RFC3: variants seen among roughly 807,000 people sequenced by gnomAD.
RFC3 encodes the protein A1 38 kDa subunit.
A neutral mutation model predicts 45.1 loss-of-function variants in RFC3; 41 were observed. The ratio of observed to expected loss-of-function variants is 0.91; its 90% CI spans 0.71 to 1.18. The LOEUF (loss-of-function observed/expected upper bound fraction) is 1.18, where lower values mean the gene tolerates loss of function less well. Among genes scored for constraint, RFC3 ranks in the 50% most tolerant of loss-of-function variants. The pLI is 0.00. For synonymous variants in RFC3, 149 were observed against 144.0 expected (o/e 1.03, Z -0.25); for missense variants, 423 against 428.1 (o/e 0.99, Z 0.10).
At chr13:33,895,436 G>T (rs2082591669) in intron 8 of RFC3, among the ~76,000 whole-genome samples, 1 of 152,048 alleles carries the variant, frequency 6.6e-6, no homozygotes, top group African/African-American at 2.4e-5. Context: ...AACCAAAGTG[G>T]GATACCACCT....
intron 7 of RFC3, among the ~76,000 whole-genome samples, chr13:33,833,378 A>C (rs929027866): frequency 1.3e-5 from 2 of 152,164 alleles, no homozygotes; most frequent in Non-Finnish European, 2.9e-5. Flanking sequence ...TTAAAAAAAA[A>C]ACCCTGACAT....
intron 8 of RFC3, among the ~76,000 whole-genome samples, chr13:33,835,721 GATGA>G (rs2082147522): frequency 6.6e-6 from 1 of 152,140 alleles, no homozygotes; most frequent in African/African-American, 2.4e-5. Context: ...TCTGTTAATG[GATGA>G]ATGGTTTTCT....
chr13:33,888,264 C>T (rs537127117), intron 8 of RFC3, among the ~76,000 whole-genome samples: 237 of 152,272 alleles, frequency 1.6e-3, no homozygotes, highest in African/African-American at 5.4e-3. Context: ...TTACATACAA[C>T]GTGAATGGTG....
At chr13:33,857,107 A>G (rs2082312901) in intron 8 of RFC3, among the ~76,000 whole-genome samples, 1 of 152,240 alleles carries the variant, frequency 6.6e-6, no homozygotes, top group Non-Finnish European at 1.5e-5. Flanking sequence ...TTAAACTTGT[A>G]AAGCAATCTA....
chr13:33,876,780 G>C (rs2082449859), intron 8 of RFC3, among the ~76,000 whole-genome samples: 1 of 152,160 alleles, frequency 6.6e-6, no homozygotes, highest in South Asian at 2.1e-4. Flanking sequence ...TGCAGCATTG[G>C]GAAGTCGATT....
intron 7 of RFC3, among the ~76,000 whole-genome samples, chr13:33,834,310 A>ATG (rs1454855677): frequency 5.5e-5 from 7 of 126,660 alleles, no homozygotes; most frequent in Admixed American, 5.5e-4. Flanking sequence ...ATATATATAT[A>ATG]TATATATATA....
chr13:33,857,167 T>C (rs1167943045), intron 8 of RFC3, among the ~76,000 whole-genome samples: 1 of 152,218 alleles, frequency 6.6e-6, no homozygotes, highest in Non-Finnish European at 1.5e-5. Flanking sequence ...GCAAGGAAAT[T>C]GTCTTCAAAT....
intron 8 of RFC3, among the ~76,000 whole-genome samples, chr13:33,937,953 G>C (rs1243629584): frequency 1.3e-5 from 2 of 152,038 alleles, no homozygotes; most frequent in Admixed American, 1.3e-4. Flanking sequence ...TTCTGCCCTT[G>C]GTCACAAGAC....
chr13:33,887,170 A>C (rs890597314), intron 8 of RFC3, among the ~76,000 whole-genome samples: 2 of 146,348 alleles, frequency 1.4e-5, no homozygotes, highest in African/African-American at 5.2e-5. Flanking sequence ...TGGCTGGGTC[A>C]AATGGTATTT....
chr13:33,852,009 A>C (rs1421390476), intron 8 of RFC3, among the ~76,000 whole-genome samples: 1 of 152,208 alleles, frequency 6.6e-6, no homozygotes. Flanking sequence ...TCCACAAATG[A>C]GATATATTAA....
chr13:33,927,788 T>C (rs2082823631), intron 8 of RFC3, among the ~76,000 whole-genome samples: 1 of 152,064 alleles, frequency 6.6e-6, no homozygotes. Context: ...GTGACTTCTG[T>C]GGTCCTGCCT....
intron 8 of RFC3, among the ~76,000 whole-genome samples, chr13:33,922,559 T>G (rs571092588): frequency 1.3e-5 from 2 of 152,276 alleles, no homozygotes; most frequent in African/African-American, 2.4e-5. Flanking sequence ...GGTCTTTTTT[T>G]GGGCAAACAA....
intron 8 of RFC3, among the ~76,000 whole-genome samples, chr13:33,862,988 A>G (rs7330008): frequency 0.82 from 124,550 of 152,150 alleles, 52,254 homozygotes; most frequent in Non-Finnish European, 0.93. Context: ...TCTTACATGC[A>G]TTTCTAAGAA....
intron 8 of RFC3, among the ~76,000 whole-genome samples, chr13:33,863,216 T>C (rs2082352483): frequency 6.6e-6 from 1 of 152,184 alleles, no homozygotes; most frequent in Admixed American, 6.5e-5. Context: ...ATGAAAACAA[T>C]ACATACATAT....
chr13:33,945,827 T>A, intron 8 of RFC3, among the ~76,000 whole-genome samples: 1 of 152,242 alleles, frequency 6.6e-6, no homozygotes, highest in Middle Eastern at 3.2e-3. Flanking sequence ...CAGCACCTTC[T>A]TCCTACTACC....
At chr13:33,888,214 A>G (rs922102068) in intron 8 of RFC3, among the ~76,000 whole-genome samples, 1 of 152,192 alleles carries the variant, frequency 6.6e-6, no homozygotes, top group African/African-American at 2.4e-5. Context: ...CTGATATACA[A>G]AGAGTTTCTT....
downstream of RFC3, among the ~76,000 whole-genome samples, chr13:33,969,623 G>C (rs1269147211): frequency 6.6e-6 from 1 of 152,172 alleles, no homozygotes; most frequent in Non-Finnish European, 1.5e-5. Flanking sequence ...GGCTGAGAGT[G>C]ATGTTCTTAA....
intron 8 of RFC3, among the ~76,000 whole-genome samples, chr13:33,934,384 G>A (rs981558799): frequency 2.0e-5 from 3 of 151,720 alleles, no homozygotes; most frequent in Non-Finnish European, 4.4e-5. Flanking sequence ...AAGGTGATAA[G>A]GGCACATGAT....
At chr13:33,939,341 G>A (rs1260108382) in intron 8 of RFC3, among the ~76,000 whole-genome samples, 5 of 152,148 alleles carry the variant, frequency 3.3e-5, no homozygotes, top group Non-Finnish European at 5.9e-5. Flanking sequence ...TCTGGGAAGA[G>A]TGGAGGGGAG....
Sources: gnomAD v4.1 joint callset for allele counts (sites outside exome capture counted in the v4.1 genomes callset) on GRCh38, gnomAD v4.1.1 for gene constraint, MANE v1.5 for transcripts, NCBI Gene and HGNC (gene_info 2026-07-23, HGNC 2026-07-21) for gene names.